COL22A1: variants seen among roughly 807,000 people sequenced by gnomAD.
COL22A1 encodes the protein collagen type XXII alpha 1 chain, also known as collagen alpha-1(XXII) chain.
COL22A1 carries 221 observed loss-of-function variants against 248.9 expected under a neutral mutation model. That is an observed-to-expected ratio of 0.89 (90% CI 0.80 to 0.99). The LOEUF (loss-of-function observed/expected upper bound fraction) is 0.99, where lower values mean the gene tolerates loss of function less well. Ranked by LOEUF, COL22A1 falls within the 50% of genes least tolerant of loss-of-function variation. The pLI is 0.00. For missense variants in COL22A1, 2,240 were observed against 2,179.0 expected (o/e 1.03, Z -0.56); for synonymous variants, 891 against 793.4 (o/e 1.12, Z -2.07).
At chr8:138,775,539 A>G (rs115635834) in intron 16 of COL22A1, among the ~76,000 whole-genome samples, 3,616 of 152,212 alleles carry the variant, frequency 0.024, 75 homozygotes, top group African/African-American at 0.053. Context: ...CACTCTTGTC[A>G]CCACTCATTC....
At chr8:138,789,498 C>T (rs931044953) in intron 12 of COL22A1, among the ~76,000 whole-genome samples, 14 of 152,254 alleles carry the variant, frequency 9.2e-5, no homozygotes, top group African/African-American at 2.6e-4. Context: ...AGGCAAATGG[C>T]GTCAATATAT....
rs781598213 is a variant in COL22A1, at chr8:138,594,169, G to T, written c.4463C>A (p.Pro1488His). The change falls in exon 63 of 65, where the codon CCC (proline) becomes CAC (histidine). Residue 1488 changes from proline (P) to histidine (H), a missense_variant. Transcript: ENST00000303045. ...TTGAGATGACTTCATGTACGCCGGG[G>T]GCATCTGGGCCAGGAGGTAGGCGAG... ...TRLAYLLAQMPPAYMKSSQGR... is the reference protein window; with the variant it reads ...TRLAYLLAQMHPAYMKSSQGR... The T allele has an allele frequency of 1.9e-5, 30 of 1,571,624 alleles. No homozygotes were observed. Among genetic ancestry groups the T allele is most frequent in the Middle Eastern group, 1.7e-4 (1 of 5,966 alleles).
chr8:138,726,221 G>A (rs1238580143), intron 23 of COL22A1, among the ~76,000 whole-genome samples: 1 of 152,040 alleles, frequency 6.6e-6, no homozygotes, highest in Non-Finnish European at 1.5e-5. Context: ...GCTGGGCATG[G>A]TGGCTCACAA....
intron 22 of COL22A1, among the ~76,000 whole-genome samples, chr8:138,739,536 G>A (rs1831392010): frequency 6.6e-6 from 1 of 152,172 alleles, no homozygotes; most frequent in Admixed American, 6.5e-5. Context: ...TGGCGTTTGT[G>A]CTTATTTATT....
At chr8:138,705,651 T>C (rs974116986) in intron 30 of COL22A1, among the ~76,000 whole-genome samples, 3 of 152,064 alleles carry the variant, frequency 2.0e-5, no homozygotes, top group African/African-American at 7.2e-5. Flanking sequence ...TGGAAAGGAA[T>C]AACCGGTACC....
intron 30 of COL22A1, 25 bp from the exon 31 acceptor site, chr8:138,703,372 T>C: frequency 8.1e-6 from 13 of 1,608,994 alleles, no homozygotes; most frequent in Non-Finnish European, 1.1e-5. Flanking sequence ...GGAAAATCCA[T>C]GACCATTAAT....
At chr8:138,668,725 G>C (rs553032238) in intron 41 of COL22A1, among the ~76,000 whole-genome samples, 11 of 152,310 alleles carry the variant, frequency 7.2e-5, no homozygotes, top group African/African-American at 2.6e-4. Flanking sequence ...CTGTGTGCTG[G>C]GGTGGGTGGC....
chr8:138,869,442 T>A (rs183209818), intron 3 of COL22A1, among the ~76,000 whole-genome samples: 64 of 152,248 alleles, frequency 4.2e-4, no homozygotes, highest in African/African-American at 1.5e-3. Flanking sequence ...GTGAAGTGTT[T>A]GTGTCGCACA....
chr8:138,700,618 A>C (rs1189948863), intron 31 of COL22A1, among the ~76,000 whole-genome samples: 2 of 152,182 alleles, frequency 1.3e-5, no homozygotes, highest in African/African-American at 2.4e-5. Context: ...TGCTTGACAG[A>C]GCCCAGGCTA....
At chr8:138,753,853 G>A (rs886491268) in intron 21 of COL22A1, among the ~76,000 whole-genome samples, 4 of 152,224 alleles carry the variant, frequency 2.6e-5, no homozygotes, top group African/African-American at 9.6e-5. Context: ...TTTGCCTCAT[G>A]ATTAAGCAGA....
intron 22 of COL22A1, among the ~76,000 whole-genome samples, chr8:138,739,619 A>G (rs565729114): frequency 2.0e-5 from 3 of 152,336 alleles, no homozygotes; most frequent in African/African-American, 4.8e-5. Context: ...GATGCTATAT[A>G]CTGTAGGCTC....
chr8:138,887,034 A>G (rs1375186091), intron 1 of COL22A1, among the ~76,000 whole-genome samples: 3 of 152,170 alleles, frequency 2.0e-5, no homozygotes, highest in Non-Finnish European at 2.9e-5. Flanking sequence ...CATCCCCTCA[A>G]GCACTTATCC....
chr8:138,600,480 G>A (rs1338785870), intron 60 of COL22A1, among the ~76,000 whole-genome samples: 1 of 152,144 alleles, frequency 6.6e-6, no homozygotes, highest in East Asian at 1.9e-4. Context: ...TCAGAGTGGG[G>A]AGGGGGTTAA....
In COL22A1 at chr8:138,649,649, C is replaced by CCCCTTTT. The variant is rs778035564; in HGVS notation, c.3447+9_3447+15dup. On this transcript the variant is annotated intron_variant, in intron 46 of 64. Coordinates refer to ENST00000303045, the MANE Select transcript of COL22A1 (RefSeq NM_152888.3). Reference sequence around the variant, plus strand: ...CATTGTAATGATAAAAATCGAGTTTCCCCTTTTCTCCTTACCTTTTTCCCT... The same window carrying CCCCTTTT: ...CATTGTAATGATAAAAATCGAGTTTCCCCTTTTCCCTTTTCTCCTTACCTTTTTCCCT... 6.2e-7 allele frequency: 1 copy of CCCCTTTT among 1,607,682 alleles called. No individual in the cohort carries two copies. Among genetic ancestry groups the CCCCTTTT allele is most frequent in the South Asian group, 1.1e-5 (1 of 89,872 alleles).
intron 13 of COL22A1, among the ~76,000 whole-genome samples, chr8:138,780,421 G>C (rs1262798891): frequency 6.6e-6 from 1 of 152,190 alleles, no homozygotes; most frequent in East Asian, 1.9e-4. Context: ...TGGTGGAGAG[G>C]AGACTGACCC....
intron 16 of COL22A1, among the ~76,000 whole-genome samples, chr8:138,762,767 T>G (rs1833594843): frequency 6.6e-6 from 1 of 152,178 alleles, no homozygotes; most frequent in Non-Finnish European, 1.5e-5. Flanking sequence ...TCACGGTTCA[T>G]GGGGGTCAAA....
intron 9 of COL22A1, among the ~76,000 whole-genome samples, chr8:138,811,358 CATAT>C (rs10566310): frequency 0.45 from 67,839 of 150,812 alleles, 16,070 homozygotes; most frequent in Middle Eastern, 0.55. Flanking sequence ...TATATACACA[CATAT>C]ATATATATAC....
intron 31 of COL22A1, among the ~76,000 whole-genome samples, chr8:138,702,949 A>G (rs1444913694): frequency 1.3e-5 from 2 of 152,204 alleles, no homozygotes; most frequent in Non-Finnish European, 2.9e-5. Flanking sequence ...ACACGTATAG[A>G]GGGCCAATGA....
chr8:138,865,458 GTGTA>G (rs1272537929), intron 3 of COL22A1, among the ~76,000 whole-genome samples: 11 of 151,244 alleles, frequency 7.3e-5, no homozygotes, highest in African/African-American at 2.7e-4. Context: ...CTGTGTGTGA[GTGTA>G]TGTGTGTATC....
Sources: gnomAD v4.1 joint callset for allele counts (sites outside exome capture counted in the v4.1 genomes callset) on GRCh38, gnomAD v4.1.1 for gene constraint, MANE v1.5 for transcripts, NCBI Gene and HGNC (gene_info 2026-07-23, HGNC 2026-07-21) for gene names.